Variants in OTULIN observed in about 807,000 individuals in gnomAD.
OTULIN encodes the protein ubiquitin thioesterase otulin.
Under a neutral mutation model 39.6 loss-of-function variants are expected in OTULIN, and 15 were observed. The observed-to-expected ratio is 0.38, with a 90% CI of 0.25 to 0.58. The LOEUF is 0.58. Among genes scored for constraint, OTULIN ranks in the 20% least tolerant of loss-of-function variants. The probability of loss-of-function intolerance (pLI) is 0.66; values close to 1 mark genes in which losing one functional copy is unlikely to be tolerated. For synonymous variants in OTULIN, 156 were observed against 170.3 expected (o/e 0.92, Z 0.65); for missense variants, 319 against 445.9 (o/e 0.72, Z 2.56).
the OTULIN span, chr5:14,711,431 TA>T: frequency 1.2e-6 from 1 of 828,420 alleles, no homozygotes; most frequent in South Asian, 1.4e-5. Context: ...TAAACCTTCT[TA>T]TGGTTGGGGT....
intron 2 of OTULIN, among the ~76,000 whole-genome samples, chr5:14,674,756 AAAAAAAT>A (rs1736062988): frequency 1.3e-5 from 2 of 152,188 alleles, no homozygotes; most frequent in Admixed American, 6.5e-5. Flanking sequence ...TTGTCTCAAA[AAAAAAAT>A]AAAAAATAAA....
intron 2 of OTULIN, among the ~76,000 whole-genome samples, chr5:14,675,186 T>C (rs1441544305): frequency 2.0e-5 from 3 of 152,234 alleles, no homozygotes; most frequent in Admixed American, 6.5e-5. Context: ...TATGAGTTTA[T>C]TATGGTGCCA....
intron 1 of OTULIN, among the ~76,000 whole-genome samples, chr5:14,668,048 CTG>C (rs935037204): frequency 1.3e-5 from 2 of 152,200 alleles, no homozygotes; most frequent in Non-Finnish European, 2.9e-5. Flanking sequence ...GGGTTTGAAT[CTG>C]TGGAGGCATA....
Position 14,690,275 on chromosome 5 carries a change from C to T in OTULIN, c.831C>T (p.Leu277=), listed in dbSNP as rs1207600782. 1.2e-6 allele frequency: 2 copies of T among 1,614,182 alleles called. No individual in the cohort carries two copies. Among genetic ancestry groups the T allele is most frequent in the Middle Eastern group, 1.6e-4 (1 of 6,062 alleles). Residue 277 remains leucine, a synonymous_variant, in exon 6 of 7, where the codon CTC becomes CTT. Transcript: ENST00000284274. This position sits in a 1 kb window ranked among gnomAD's most constrained non-coding sequence, Gnocchi z 4.5. ...CAGGACAGCTTCTGAGGAACCACCTCAACCAGGTGGGACACACTGGTGGTC... is the reference window on the plus strand; with the variant it reads ...CAGGACAGCTTCTGAGGAACCACCTTAACCAGGTGGGACACACTGGTGGTC... ...NDPGQLLRNH[L]NQVGHTGGLE...
Position 14,681,568 on chromosome 5 carries a change from G to C in OTULIN, c.429G>C (p.Val143=). Residue 143 remains valine, a synonymous_variant, in exon 4 of 7, where the codon GTG becomes GTC. Transcript: ENST00000284274. ...ATLFQAMSQA[V]GLPPWLQDPE... is the part of the protein sequence containing the mutation. ...TGTTCCAGGCCATGAGCCAGGCTGT[G>C]GGGCTGCCGCCCTGGCTGCAGGACC... 1 of 1,614,046 alleles carries C rather than the reference G, an allele frequency of 6.2e-7. No individual in the cohort carries two copies. Among genetic ancestry groups the C allele is most frequent in the Non-Finnish European group, 8.5e-7 (1 of 1,180,030 alleles).
intron 1 of OTULIN, among the ~76,000 whole-genome samples, chr5:14,667,689 A>G (rs550654938): frequency 6.6e-6 from 1 of 150,896 alleles, no homozygotes; most frequent in South Asian, 2.1e-4. Flanking sequence ...ACTACTTTGT[A>G]TATCTCATTG....
Position 14,687,703 on chromosome 5 carries a change from C to T in OTULIN, c.594+57C>T, listed in dbSNP as rs563342181. The stretch of plus-strand genomic sequence containing the variant: ...GGTGAAGCTCTCGTTCTTGCTTGCC[C>T]CAGAAGACCAGTTTTTAGTCTTCAC... On this transcript the variant is annotated intron_variant, in intron 5 of 6. Transcript: ENST00000284274. 9.9e-6 allele frequency: 15 copies of T among 1,507,858 alleles called. No homozygotes were observed. In the South Asian group the frequency reaches 1.4e-4, roughly 14 times the overall value. The allele number at this position is 1,507,858 out of a possible 1,614,324, so 93.4% of individuals were successfully genotyped here.
At chr5:14,704,057 C>T (rs186970229), downstream of OTULIN, among the ~76,000 whole-genome samples, 4 of 152,152 alleles carry the variant, frequency 2.6e-5, no homozygotes, top group African/African-American at 4.8e-5. Flanking sequence ...GCTGGCCGGG[C>T]GTGGTGGCTC....
At chr5:14,666,932 CATG>C (rs1376846831) in intron 1 of OTULIN, among the ~76,000 whole-genome samples, 1 of 152,156 alleles carries the variant, frequency 6.6e-6, no homozygotes, top group African/African-American at 2.4e-5. Context: ...TCAATTCCTG[CATG>C]ATGATATATA....
At chr5:14,713,414 A>G in the OTULIN span, 1 of 1,377,774 alleles carries the variant, frequency 7.3e-7, no homozygotes, top group Non-Finnish European at 1.0e-6. This position sits in a 1 kb window ranked among gnomAD's most constrained non-coding sequence, Gnocchi z 4.4. Context: ...GCAGACACAC[A>G]AAACATCATT....
intron 4 of OTULIN, among the ~76,000 whole-genome samples, chr5:14,682,475 A>G (rs1736275958): frequency 6.6e-6 from 1 of 152,168 alleles, no homozygotes; most frequent in Non-Finnish European, 1.5e-5. Context: ...TTTTTTTACC[A>G]ACAAAATATT....
the OTULIN span, among the ~76,000 whole-genome samples, chr5:14,715,084 AG>A: frequency 2.8e-3 from 424 of 152,354 alleles, no homozygotes; most frequent in African/African-American, 9.6e-3. Flanking sequence ...CCTTAGAGCA[AG>A]GGCCGTTCCA....
downstream of OTULIN, among the ~76,000 whole-genome samples, chr5:14,700,053 T>C (rs1461335990): frequency 6.6e-6 from 1 of 152,254 alleles, no homozygotes; most frequent in Non-Finnish European, 1.5e-5. Flanking sequence ...AGCTGATGGT[T>C]GGAAGTCTGA....
the OTULIN span, among the ~76,000 whole-genome samples, chr5:14,715,904 T>A: frequency 1.3e-5 from 2 of 152,238 alleles, no homozygotes; most frequent in African/African-American, 4.8e-5. Context: ...TTTCTGACCA[T>A]CCATCTGGCC....
intron 2 of OTULIN, among the ~76,000 whole-genome samples, chr5:14,676,635 G>A (rs1736112476): frequency 6.6e-6 from 1 of 152,232 alleles, no homozygotes; most frequent in African/African-American, 2.4e-5. Flanking sequence ...TCCAGGTCTT[G>A]TCTTGGTGTG....
chr5:14,687,719 T>C, intron 5 of OTULIN, 73 bp downstream of exon 5: 3 of 1,498,150 alleles, frequency 2.0e-6, no homozygotes, highest in Non-Finnish European at 2.7e-6. Context: ...GACCAGTTTT[T>C]AGTCTTCACT....
chr5:14,697,067 G>C lies in OTULIN; in HGVS notation c.*4019G>C, dbSNP rs994127987. The C allele has an allele frequency of 6.6e-6, 1 of 152,248 alleles. No homozygotes were observed. Among genetic ancestry groups the C allele is most frequent in the Non-Finnish European group, 1.5e-5 (1 of 68,086 alleles). The allele number at this position is 152,248 out of a possible 1,614,324, so 9.4% of individuals were successfully genotyped here. A position where few individuals can be genotyped will look rare whatever the true frequency, so the allele number is the denominator to read the frequency against. ...GAGGGGTGTGTGTGTGTGTGTGCAT[G>C]TGTGTATATGCGTGTTGGTCTGCAG... On this transcript the variant is annotated 3_prime_UTR_variant, in exon 7 of 7. Transcript: ENST00000284274.
Position 14,698,602 on chromosome 5 carries a change from A to G in OTULIN, c.*5554A>G, listed in dbSNP as rs1378883756. On this transcript the variant is annotated 3_prime_UTR_variant, in exon 7 of 7. Transcript: ENST00000284274. ...ACTAAAAATAAACTTAGAAAATACAACTCAGAAGCCTGGCTCTGTTGCTGT... is the reference window on the plus strand; with the variant it reads ...ACTAAAAATAAACTTAGAAAATACAGCTCAGAAGCCTGGCTCTGTTGCTGT... 2 of 152,116 alleles carry G rather than the reference A, an allele frequency of 1.3e-5. No homozygotes were observed. The highest frequency in any genetic ancestry group is 6.5e-5 in the Admixed American group (1 of 15,270). 9.4% of individuals were successfully genotyped at this position (152,116 alleles called of 1,614,324 possible).
At chr5:14,715,717 A>G in the OTULIN span, among the ~76,000 whole-genome samples, 3 of 152,258 alleles carry the variant, frequency 2.0e-5, no homozygotes, top group South Asian at 2.1e-4. Flanking sequence ...ATACAGACAT[A>G]CACGTGCTAC....
Sources: gnomAD v4.1 joint callset for allele counts (sites outside exome capture counted in the v4.1 genomes callset) on GRCh38, gnomAD v4.1.1 for gene constraint, Gnocchi (gnomAD v3.1) non-coding constraint, MANE v1.5 for transcripts, NCBI Gene and HGNC (gene_info 2026-07-23, HGNC 2026-07-21) for gene names.